The following DSCAM variants were observed in gnomAD, a reference collection of about 807,000 sequenced individuals.
DSCAM encodes DS cell adhesion molecule.
Under a neutral mutation model 217.7 loss-of-function variants are expected in DSCAM, and 47 were observed. The observed-to-expected ratio is 0.22, with a 90% CI of 0.17 to 0.28. DSCAM has a LOEUF of 0.28. Among genes scored for constraint, DSCAM ranks in the 10% least tolerant of loss-of-function variants. The probability of loss-of-function intolerance (pLI) is 1.00; values close to 1 mark genes in which losing one functional copy is unlikely to be tolerated. For missense variants in DSCAM, 2,080 were observed against 2,618.3 expected, an observed-to-expected ratio of 0.79 and a Z score of 4.49; for synonymous variants, 1,056 against 1,015.3, an observed-to-expected ratio of 1.04 and a Z score of -0.76.
At chr21:40,758,153 C>T (rs145816786) in intron 1 of DSCAM, among the ~76,000 whole-genome samples, 88 of 152,178 alleles carry the variant, frequency 5.8e-4, no homozygotes, top group Non-Finnish European at 6.0e-4. Flanking sequence ...CAGAGAGAGG[C>T]GAAGCAGACT....
intron 20 of DSCAM, among the ~76,000 whole-genome samples, chr21:40,108,138 C>T (rs1350911945): frequency 6.6e-6 from 1 of 152,158 alleles, no homozygotes; most frequent in Non-Finnish European, 1.5e-5. Context: ...TCCTACTCAA[C>T]ACAGTATTGG....
chr21:40,201,718 A>G (rs1988339), intron 11 of DSCAM, among the ~76,000 whole-genome samples: 87,312 of 152,066 alleles, frequency 0.57, 27,066 homozygotes, highest in African/African-American at 0.83. Flanking sequence ...TGGGATTATA[A>G]GCATGAGCCA....
intron 1 of DSCAM, among the ~76,000 whole-genome samples, chr21:40,839,140 T>G (rs59698828): frequency 0.035 from 5,316 of 152,284 alleles, 318 homozygotes; most frequent in African/African-American, 0.12. Context: ...TATAAGAGCA[T>G]GTGGCATTCT....
At position 40,387,178 on chromosome 21, in the gene DSCAM, G is replaced by C. The variant is rs560908652; in HGVS notation, c.509-17933C>G. On this transcript the variant is annotated intron_variant, in intron 3 of 32. Coordinates refer to ENST00000400454, the MANE Select transcript of DSCAM (RefSeq NM_001389.5). Reference sequence around the variant, plus strand: ...CCCTCTGGGCTCTATAAAGGAAGAGGGGGGGTGAATACCTAACAGCAAAGA... The same window carrying C: ...CCCTCTGGGCTCTATAAAGGAAGAGCGGGGGTGAATACCTAACAGCAAAGA... Among the ~76,000 whole-genome samples the C allele has an allele frequency of 5.3e-5, 8 of 152,218 alleles. No homozygotes were observed. In the South Asian group the frequency reaches 1.0e-3, roughly 20 times the overall value.
intron 3 of DSCAM, among the ~76,000 whole-genome samples, chr21:40,517,404 A>ACAC (rs2076310968): frequency 2.1e-4 from 30 of 144,776 alleles, no homozygotes; most frequent in African/African-American, 6.2e-4. Flanking sequence ...ACACACAAGC[A>ACAC]ACACACACAC....
chr21:40,431,600 A>G (rs1310215723), intron 3 of DSCAM, among the ~76,000 whole-genome samples: 1 of 152,202 alleles, frequency 6.6e-6, no homozygotes, highest in Non-Finnish European at 1.5e-5. Flanking sequence ...ATATTTTTTT[A>G]TTCCTTATGA....
intron 24 of DSCAM, 125 bp from the exon 25 acceptor site, chr21:40,080,465 A>G: frequency 6.0e-6 from 5 of 834,882 alleles, no homozygotes; most frequent in Non-Finnish European, 8.8e-6. Context: ...TTCAGAAGGA[A>G]CATTTTCGCT....
intron 3 of DSCAM, among the ~76,000 whole-genome samples, chr21:40,576,761 G>A (rs577770869): frequency 8.6e-4 from 131 of 151,886 alleles, no homozygotes; most frequent in Non-Finnish European, 1.3e-3. Flanking sequence ...ACAATGAAAA[G>A]ATATAAATGC....
rs1568955347 is a variant in DSCAM, at chr21:40,637,631, A to ATCT, written c.508+55178_508+55179insAGA. The stretch of plus-strand genomic sequence containing the variant: ...AATATATATAAATATATACATATAT[A>ATCT]AATATATATAAATATATATCTATAT... On this transcript the variant is annotated intron_variant, in intron 3 of 32. Transcript: ENST00000400454. 4.1e-3 allele frequency among the ~76,000 whole-genome samples: 172 copies of ATCT among 41,992 alleles called. 10 individuals are homozygous for ATCT. Among genetic ancestry groups the ATCT allele is most frequent in the Middle Eastern group, 0.014 (1 of 72 alleles). The allele number at this position is 41,992 out of a possible 152,430, so 27.5% of individuals were successfully genotyped here.
At chr21:40,257,498 A>ACACACACACACACACACACAC (rs57376473) in intron 11 of DSCAM, among the ~76,000 whole-genome samples, 1 of 150,228 alleles carries the variant, frequency 6.7e-6, no homozygotes, top group African/African-American at 2.5e-5. Flanking sequence ...ACACACACAC[A>ACACACACACACACACACACAC]ATGGCAAACG....
At chr21:40,517,027 A>ATG (rs1369683131) in intron 3 of DSCAM, among the ~76,000 whole-genome samples, 1 of 147,348 alleles carries the variant, frequency 6.8e-6, no homozygotes, top group Non-Finnish European at 1.5e-5. Context: ...ATACTAACAT[A>ATG]TGTATATATA....
chr21:40,013,525 C>T (rs1055283647), intron 32 of DSCAM, 139 bp from the exon 33 acceptor site: 1 of 592,710 alleles, frequency 1.7e-6, no homozygotes. Flanking sequence ...CAAGATCCTC[C>T]TTCAGCGCTC....
rs910562697 is a variant in DSCAM at position 40,144,905 on chromosome 21, G to A, written c.3019-174C>T. 6.6e-6 allele frequency among the ~76,000 whole-genome samples: 1 copy of A among 152,196 alleles called. No homozygotes were observed. Among genetic ancestry groups the A allele is most frequent in the Non-Finnish European group, 1.5e-5 (1 of 68,040 alleles). On this transcript the variant is annotated intron_variant, in intron 16 of 32. Coordinates refer to ENST00000400454, the MANE Select transcript of DSCAM (RefSeq NM_001389.5). The surrounding 1 kb of genome is among the most constrained non-coding windows in gnomAD (Gnocchi z 4.8). ...GTACAGTGCAACTTGGTCTGTGCCA[G>A]GCACCCTTCCTTTACCTGTGAATGC... is the stretch of plus-strand genomic sequence containing the variant.
intron 3 of DSCAM, among the ~76,000 whole-genome samples, chr21:40,530,760 C>T (rs1337060599): frequency 6.6e-6 from 1 of 152,106 alleles, no homozygotes; most frequent in East Asian, 1.9e-4. Context: ...TTTCCACCAC[C>T]CACCCCATCG....
intron 11 of DSCAM, among the ~76,000 whole-genome samples, chr21:40,259,250 G>A (rs2073414386): frequency 6.7e-6 from 1 of 149,760 alleles, no homozygotes; most frequent in Admixed American, 6.7e-5. Flanking sequence ...CTCCCTCGAA[G>A]GATCTGATCT....
chr21:40,261,124 A>G (rs2146979282), intron 11 of DSCAM, among the ~76,000 whole-genome samples: 1 of 152,324 alleles, frequency 6.6e-6, no homozygotes, highest in East Asian at 1.9e-4. Context: ...GTGACTGACC[A>G]CTGCTTCTTT....
intron 3 of DSCAM, among the ~76,000 whole-genome samples, chr21:40,373,478 G>A (rs2074919956): frequency 6.6e-6 from 1 of 152,172 alleles, no homozygotes; most frequent in African/African-American, 2.4e-5. Flanking sequence ...AAAAAGGATA[G>A]AAGGGAAGAA....
At chr21:40,148,695 C>T (rs1049945672) in intron 16 of DSCAM, among the ~76,000 whole-genome samples, 1 of 152,002 alleles carries the variant, frequency 6.6e-6, no homozygotes, top group African/African-American at 2.4e-5. Flanking sequence ...CCTCAGGTCC[C>T]CCACACAGCC....
chr21:40,597,897 A>C (rs2077033948), intron 3 of DSCAM, among the ~76,000 whole-genome samples: 1 of 152,150 alleles, frequency 6.6e-6, no homozygotes, highest in Admixed American at 6.5e-5. Flanking sequence ...CCACTCCCCT[A>C]TACTCAACTT....
Sources: allele counts gnomAD v4.1 joint callset (sites outside exome capture counted in the v4.1 genomes callset), GRCh38; gene constraint gnomAD v4.1.1; non-coding constraint Gnocchi (gnomAD v3.1); transcripts MANE v1.5; gene names NCBI Gene and HGNC (gene_info 2026-07-23, HGNC 2026-07-21).